Variants in CHST15 observed in about 807,000 individuals in gnomAD.
CHST15 encodes the protein carbohydrate sulfotransferase 15.
In CHST15, 30 loss-of-function variants were observed where a neutral mutation model predicts 53.6. The observed-to-expected ratio is 0.56, with a 90% CI of 0.42 to 0.76. The LOEUF is 0.76. Among genes scored for constraint, CHST15 ranks in the 30% least tolerant of loss-of-function variants. The pLI is 0.00. For missense variants in CHST15, 627 were observed against 740.5 expected (o/e 0.85, Z 1.78); for synonymous variants, 296 against 289.8 (o/e 1.02, Z -0.22).
At chr10:124,068,108 G>A (rs970818676) in intron 1 of CHST15, among the ~76,000 whole-genome samples, 1 of 152,158 alleles carries the variant, frequency 6.6e-6, no homozygotes, top group Non-Finnish European at 1.5e-5. Flanking sequence ...CCTAATTCCC[G>A]GAATAGCTGG....
intron 5 of CHST15, among the ~76,000 whole-genome samples, chr10:124,035,514 C>A (rs1291867623): frequency 6.0e-5 from 9 of 151,136 alleles, no homozygotes; most frequent in African/African-American, 1.7e-4. Flanking sequence ...GGCTTCATCC[C>A]CTAACAGGGA....
Position 124,038,681 on chromosome 10 carries a change from G to A in CHST15, c.1034-10C>T. On this transcript the variant is annotated splice_polypyrimidine_tract_variant and intron_variant, in intron 4 of 7. Transcript: ENST00000435907. ...GAGGCACTGGCCTCCCCTGGAAACA[G>A]AAAACACTCCAAGTGAGCAGGGGTG... The A allele has an allele frequency of 6.2e-7, 1 of 1,613,656 alleles. No homozygotes were observed. The highest frequency in any genetic ancestry group is 2.2e-5 in the East Asian group (1 of 44,866).
intron 5 of CHST15, among the ~76,000 whole-genome samples, chr10:124,033,969 A>G (rs1335801978): frequency 6.6e-6 from 1 of 152,240 alleles, no homozygotes; most frequent in Non-Finnish European, 1.5e-5. Context: ...ACAGCAGGCA[A>G]TGCAAGGCCT....
intron 7 of CHST15, chr10:124,011,356 CAT>C: frequency 2.0e-6 from 2 of 976,744 alleles, no homozygotes; most frequent in Non-Finnish European, 2.4e-6. Context: ...ACAGAGTCAA[CAT>C]GTGGTCAAAT....
At chr10:124,011,211 C>T (rs186217615) in intron 7 of CHST15, among the ~76,000 whole-genome samples, 128 of 151,752 alleles carry the variant, frequency 8.4e-4, no homozygotes, top group Non-Finnish European at 1.5e-3. Flanking sequence ...GCCTCTTTAC[C>T]GGGGGCTCTT....
At chr10:124,017,420 T>C (rs1287717363) in intron 6 of CHST15, among the ~76,000 whole-genome samples, 1 of 152,112 alleles carries the variant, frequency 6.6e-6, no homozygotes, top group African/African-American at 2.4e-5. Context: ...ACAGTGACAA[T>C]GACTGACTCC....
chr10:124,009,118 G>T lies in CHST15; in HGVS notation c.*1031C>A. 1 of 1,256,052 alleles carries T rather than the reference G, an allele frequency of 8.0e-7. No homozygotes were observed. Among genetic ancestry groups the T allele is most frequent in the Non-Finnish European group, 1.0e-6 (1 of 963,872 alleles). The allele number at this position is 1,256,052 out of a possible 1,614,324, so 77.8% of individuals were successfully genotyped here. On this transcript the variant is annotated 3_prime_UTR_variant, in exon 8 of 8. Transcript: ENST00000435907. Reference sequence around the variant, plus strand: ...GAAATAAACTATTTCCAATGGGAAGGCAGAGAAATGGAGCCTGTAGCCGGC... The same window carrying T: ...GAAATAAACTATTTCCAATGGGAAGTCAGAGAAATGGAGCCTGTAGCCGGC...
chr10:124,087,836 T>G (rs1295722368), intron 1 of CHST15, among the ~76,000 whole-genome samples: 4 of 151,928 alleles, frequency 2.6e-5, no homozygotes, highest in Non-Finnish European at 5.9e-5. Flanking sequence ...CTCTGGTTAA[T>G]TGCATCAAAT....
intron 1 of CHST15, among the ~76,000 whole-genome samples, chr10:124,065,651 G>A (rs904932966): frequency 6.6e-6 from 1 of 151,998 alleles, no homozygotes; most frequent in Admixed American, 6.5e-5. Flanking sequence ...GCCCCATTAC[G>A]GCAGCTCATT....
chr10:124,032,372 C>G (rs1223297145), intron 5 of CHST15, among the ~76,000 whole-genome samples: 1 of 152,156 alleles, frequency 6.6e-6, no homozygotes, highest in Non-Finnish European at 1.5e-5. Flanking sequence ...CAAACATAGA[C>G]ACGGTAAAAT....
intron 5 of CHST15, among the ~76,000 whole-genome samples, chr10:124,030,793 G>T (rs1327098569): frequency 1.3e-5 from 2 of 152,224 alleles, no homozygotes; most frequent in Non-Finnish European, 2.9e-5. Context: ...TTGGAGAGGG[G>T]CTTCCGGTGC....
At chr10:124,085,813 A>G (rs1342789188) in intron 1 of CHST15, among the ~76,000 whole-genome samples, 1 of 152,182 alleles carries the variant, frequency 6.6e-6, no homozygotes, top group East Asian at 1.9e-4. Context: ...GGGAGCAGAT[A>G]GCAAGAATGA....
chr10:124,037,782 G>T (rs959770807), intron 5 of CHST15, among the ~76,000 whole-genome samples: 1 of 152,220 alleles, frequency 6.6e-6, no homozygotes. Flanking sequence ...GTCTCTCAAG[G>T]AAAGCTGGAA....
In CHST15 at chr10:124,044,692, G is replaced by C. The variant is rs750681384; in HGVS notation, c.774C>G (p.Ile258Met). ...TGGTCCCGCACTTGGGCTGCCCTAT[G>C]ATGTAGAAGTGCGGCAGGCAGCGCA... Reference protein sequence around the residue: ...FRLRCLPHFYIIGQPKCGTTD... With the variant: ...FRLRCLPHFYMIGQPKCGTTD... The change falls in exon 3 of 8, where the codon ATC becomes ATG. Residue 258 changes from isoleucine to methionine, a missense_variant. This residue lies in a region of CHST15 where 161 missense variants were observed against 117.2 expected (regional missense o/e 1.37). Coordinates refer to ENST00000435907, the MANE Select transcript of CHST15 (RefSeq NM_001270764.2). 6.2e-7 allele frequency: 1 copy of C among 1,613,948 alleles called. No homozygotes were observed. The highest frequency in any genetic ancestry group is 1.7e-5 in the Admixed American group (1 of 60,008).
intron 1 of CHST15, among the ~76,000 whole-genome samples, chr10:124,063,306 T>A (rs1948650642): frequency 6.6e-6 from 1 of 151,884 alleles, no homozygotes; most frequent in East Asian, 1.9e-4. Flanking sequence ...TCGCTTGAAC[T>A]CAGGAGGTGG....
intron 1 of CHST15, among the ~76,000 whole-genome samples, chr10:124,083,914 C>T (rs1028687302): frequency 6.6e-6 from 1 of 152,146 alleles, no homozygotes; most frequent in Non-Finnish European, 1.5e-5. Context: ...TGACCACAGG[C>T]GAGGAAGTGG....
chr10:124,012,024 G>A (rs1033825578), intron 7 of CHST15, among the ~76,000 whole-genome samples: 4 of 152,058 alleles, frequency 2.6e-5, no homozygotes, highest in Admixed American at 6.5e-5. Flanking sequence ...CCTTCCCCAC[G>A]GCATCCTACC....
intron 6 of CHST15, chr10:124,020,127 ACCCAGCGTCATG>A (rs1160575186): frequency 1.0e-6 from 1 of 985,422 alleles, no homozygotes; most frequent in African/African-American, 1.7e-5. Context: ...TGGCCCCAGG[ACCCAGCGTCATG>A]CAGGGGACAT....
intron 1 of CHST15, among the ~76,000 whole-genome samples, chr10:124,061,387 T>C (rs916415456): frequency 2.6e-5 from 4 of 152,228 alleles, no homozygotes; most frequent in Admixed American, 6.5e-5. Flanking sequence ...TCTGTCTCAT[T>C]TTCTCTTGCC....
Sources: allele counts gnomAD v4.1 joint callset (sites outside exome capture counted in the v4.1 genomes callset), GRCh38; gene constraint gnomAD v4.1.1; regional missense constraint gnomAD v4.1.1; transcripts MANE v1.5; gene names NCBI Gene and HGNC (gene_info 2026-07-23, HGNC 2026-07-21).